The following ARHGAP24 variants were observed in gnomAD, a reference collection of about 807,000 sequenced individuals.
ARHGAP24 encodes the protein Rho GTPase activating protein 24.
Under a neutral mutation model 76.4 loss-of-function variants are expected in ARHGAP24, and 50 were observed. The observed-to-expected ratio is 0.65, with a 90% CI of 0.52 to 0.83. ARHGAP24 has a LOEUF of 0.83. Among genes scored for constraint, ARHGAP24 ranks in the 40% least tolerant of loss-of-function variants. The probability of loss-of-function intolerance (pLI) is 0.00; values close to 1 mark genes in which losing one functional copy is unlikely to be tolerated. For missense variants in ARHGAP24, 930 were observed against 914.2 expected, an observed-to-expected ratio of 1.02 and a Z score of -0.22; for synonymous variants, 345 against 323.3, an observed-to-expected ratio of 1.07 and a Z score of -0.72.
intron 2 of ARHGAP24, among the ~76,000 whole-genome samples, chr4:85,594,325 G>A (rs1182625794): frequency 6.6e-6 from 1 of 151,868 alleles, no homozygotes; most frequent in African/African-American, 2.4e-5. Flanking sequence ...TACTGAATTT[G>A]TTTATTAGTT....
At chr4:85,592,501 TTTAG>T (rs1232270760) in intron 2 of ARHGAP24, among the ~76,000 whole-genome samples, 1 of 152,178 alleles carries the variant, frequency 6.6e-6, no homozygotes, top group African/African-American at 2.4e-5. Flanking sequence ...ATTATACTCT[TTTAG>T]TTATTTTAAA....
chr4:85,943,462 T>A (rs1737066123), intron 5 of ARHGAP24, among the ~76,000 whole-genome samples: 1 of 152,170 alleles, frequency 6.6e-6, no homozygotes, highest in Non-Finnish European at 1.5e-5. Flanking sequence ...GGCCTCTTTT[T>A]ATTTTATTTT....
At chr4:85,689,145 C>A (rs916867539) in intron 2 of ARHGAP24, among the ~76,000 whole-genome samples, 15 of 152,082 alleles carry the variant, frequency 9.9e-5, no homozygotes, top group African/African-American at 3.6e-4. Flanking sequence ...GTCAGTATGG[C>A]CATTTTAATG....
intron 2 of ARHGAP24, among the ~76,000 whole-genome samples, chr4:85,619,078 TAGTGG>T (rs1720625164): frequency 6.6e-6 from 1 of 152,138 alleles, no homozygotes; most frequent in Non-Finnish European, 1.5e-5. Flanking sequence ...TGTTTTCTTC[TAGTGG>T]TTTTACAGTT....
intron 3 of ARHGAP24, among the ~76,000 whole-genome samples, chr4:85,824,126 A>C (rs1729601672): frequency 6.6e-6 from 1 of 152,212 alleles, no homozygotes; most frequent in South Asian, 2.1e-4. Flanking sequence ...CACATTTTCT[A>C]GAATAGGTTA....
intron 3 of ARHGAP24, among the ~76,000 whole-genome samples, chr4:85,845,807 C>CA (rs1211520002): frequency 6.6e-6 from 1 of 152,126 alleles, no homozygotes; most frequent in African/African-American, 2.4e-5. Context: ...CACTAGAATG[C>CA]ATTTTTTAAT....
intron 8 of ARHGAP24, among the ~76,000 whole-genome samples, chr4:85,992,542 G>C (rs1287370291): frequency 3.3e-5 from 5 of 152,034 alleles, no homozygotes; most frequent in Non-Finnish European, 7.4e-5. Flanking sequence ...CCAATGATAG[G>C]AAAAAGGTCC....
chr4:85,850,044 T>A (rs138550020), intron 3 of ARHGAP24, among the ~76,000 whole-genome samples: 1,738 of 152,328 alleles, frequency 0.011, 37 homozygotes, highest in African/African-American at 0.039. Context: ...TCTTTGTACC[T>A]CTGGTAGAAT....
At chr4:85,589,048 G>T (rs1054473559) in intron 2 of ARHGAP24, among the ~76,000 whole-genome samples, 3 of 152,176 alleles carry the variant, frequency 2.0e-5, no homozygotes, top group Non-Finnish European at 1.5e-5. Context: ...ATTGCATTGG[G>T]CCTCAGAGAT....
At chr4:85,633,389 T>C (rs1329385579) in intron 2 of ARHGAP24, among the ~76,000 whole-genome samples, 1 of 151,956 alleles carries the variant, frequency 6.6e-6, no homozygotes, top group Non-Finnish European at 1.5e-5. Flanking sequence ...AGTCTGCTCC[T>C]TTCTCATCAA....
intron 2 of ARHGAP24, among the ~76,000 whole-genome samples, chr4:85,678,186 T>C (rs761396404): frequency 1.1e-4 from 17 of 152,108 alleles, no homozygotes; most frequent in Non-Finnish European, 1.6e-4. Flanking sequence ...CTGGGCACCA[T>C]AGTGAGACCC....
intron 2 of ARHGAP24, among the ~76,000 whole-genome samples, chr4:85,621,002 G>T (rs929646585): frequency 2.6e-5 from 4 of 151,918 alleles, no homozygotes; most frequent in Admixed American, 2.6e-4. Flanking sequence ...CCAATATTTA[G>T]CTCCCACTTG....
chr4:85,755,196 A>G (rs555469191), intron 3 of ARHGAP24, among the ~76,000 whole-genome samples: 43 of 152,160 alleles, frequency 2.8e-4, no homozygotes, highest in Non-Finnish European at 5.0e-4. Context: ...TTTTTCTTGA[A>G]TCATAAAATG....
chr4:85,916,396 G>C (rs1012588357), intron 3 of ARHGAP24, among the ~76,000 whole-genome samples: 2 of 151,752 alleles, frequency 1.3e-5, no homozygotes, highest in Admixed American at 1.3e-4. Flanking sequence ...TCTTCACCTG[G>C]TCCAGAGCTG....
intron 2 of ARHGAP24, among the ~76,000 whole-genome samples, chr4:85,582,732 C>A (rs367881169): frequency 6.8e-4 from 104 of 151,914 alleles, no homozygotes; most frequent in Middle Eastern, 6.8e-3. Context: ...CTAGTATTAC[C>A]GGGGGAAAAA....
In ARHGAP24 at chr4:85,551,717, G is replaced by GT. The variant is rs535088250; in HGVS notation, c.-20-18803dup. Among the ~76,000 whole-genome samples the GT allele has an allele frequency of 3.4e-3, 510 of 152,222 alleles. 3 individuals are homozygous for GT. Among genetic ancestry groups the GT allele is most frequent in the African/African-American group, 0.012 (489 of 41,554 alleles). On this transcript the variant is annotated intron_variant, in intron 1 of 9. Coordinates refer to ENST00000395184, the MANE Select transcript of ARHGAP24 (RefSeq NM_001025616.3). ...CAATTTTGGAACTCATTATTGGTCT[G>GT]TTCAGGGATTCAGTTTCTTCCTAGT...
chr4:85,714,260 T>C (rs1198377254), intron 2 of ARHGAP24, among the ~76,000 whole-genome samples: 1 of 152,166 alleles, frequency 6.6e-6, no homozygotes, highest in East Asian at 1.9e-4. Flanking sequence ...AAAGAAAGTG[T>C]TAAACGTTTT....
At chr4:85,535,044 T>G (rs1725413106) in intron 1 of ARHGAP24, among the ~76,000 whole-genome samples, 2 of 152,094 alleles carry the variant, frequency 1.3e-5, no homozygotes, top group African/African-American at 4.8e-5. Flanking sequence ...TTGAAGTATA[T>G]GAAACATACA....
chr4:85,495,836 G>T (rs969468396), intron 1 of ARHGAP24, among the ~76,000 whole-genome samples: 1 of 152,158 alleles, frequency 6.6e-6, no homozygotes, highest in Non-Finnish European at 1.5e-5. Flanking sequence ...GTGCTCAGCT[G>T]TCTCTCCTTA....
Sources: allele counts gnomAD v4.1 joint callset (sites outside exome capture counted in the v4.1 genomes callset), GRCh38; gene constraint gnomAD v4.1.1; transcripts MANE v1.5; gene names NCBI Gene and HGNC (gene_info 2026-07-23, HGNC 2026-07-21).